Variants in EYA2 observed in about 807,000 individuals in gnomAD.
EYA2 encodes protein phosphatase EYA2.
Under a neutral mutation model 69.2 loss-of-function variants are expected in EYA2, and 31 were observed. The observed-to-expected ratio is 0.45, with a 90% confidence interval of 0.34 to 0.60. The LOEUF (loss-of-function observed/expected upper bound fraction) is 0.60, where lower values mean the gene tolerates loss of function less well. Among genes scored for constraint, EYA2 ranks in the 20% least tolerant of loss-of-function variants. The probability of loss-of-function intolerance (pLI) is 0.02; values close to 1 mark genes in which losing one functional copy is unlikely to be tolerated. For synonymous variants in EYA2, 257 were observed against 279.4 expected (o/e 0.92, Z 0.80); for missense variants, 622 against 701.2 (o/e 0.89, Z 1.28).
intron 1 of EYA2, among the ~76,000 whole-genome samples, chr20:46,938,672 G>A (rs1986023589): frequency 6.6e-6 from 1 of 152,150 alleles, no homozygotes; most frequent in African/African-American, 2.4e-5. Context: ...AGGAAGAGAG[G>A]GAGCAAGAAG....
rs534311119 is a variant in EYA2 at position 47,180,160 on chromosome 20, G to A, written c.1313+248G>A. Among the ~76,000 whole-genome samples, 5 of 152,042 alleles carry A rather than the reference G, an allele frequency of 3.3e-5. No homozygotes were observed. In the East Asian group the frequency reaches 9.7e-4, roughly 29 times the overall value. The stretch of plus-strand genomic sequence containing the variant: ...CAATTCTCCGGCCTCAGCCTCCTGA[G>A]TAGCTGGGATTGCAGGTGTGCACCA... On this transcript the variant is annotated intron_variant, in intron 13 of 15. Transcript: ENST00000327619.
intron 1 of EYA2, among the ~76,000 whole-genome samples, chr20:46,983,746 GT>G (rs934309561): frequency 2.0e-5 from 3 of 152,076 alleles, no homozygotes; most frequent in Non-Finnish European, 4.4e-5. Flanking sequence ...CTGAACTCCA[GT>G]TTTTTTCTCC....
At chr20:47,088,225 C>T (rs2031957684) in intron 7 of EYA2, among the ~76,000 whole-genome samples, 1 of 152,152 alleles carries the variant, frequency 6.6e-6, no homozygotes, top group East Asian at 1.9e-4. Context: ...CAGAGCGAGA[C>T]TCCGTCTCAA....
At chr20:47,018,333 G>C (rs1490531952) in intron 5 of EYA2, among the ~76,000 whole-genome samples, 1 of 152,190 alleles carries the variant, frequency 6.6e-6, no homozygotes, top group African/African-American at 2.4e-5. Flanking sequence ...CGTATGTTGA[G>C]CACCAGCTTG....
chr20:47,031,496 C>T (rs1349140827), intron 5 of EYA2, among the ~76,000 whole-genome samples: 1 of 152,152 alleles, frequency 6.6e-6, no homozygotes, highest in Non-Finnish European at 1.5e-5. Flanking sequence ...TCTCCCTTCC[C>T]CTCCGCTTCT....
intron 1 of EYA2, among the ~76,000 whole-genome samples, chr20:46,967,416 A>G (rs908240972): frequency 6.6e-6 from 1 of 152,222 alleles, no homozygotes. Flanking sequence ...GTTAATTCCA[A>G]TGGTAGTAAA....
At chr20:46,987,528 G>T (rs1981311069) in intron 1 of EYA2, among the ~76,000 whole-genome samples, 1 of 152,140 alleles carries the variant, frequency 6.6e-6, no homozygotes, top group Non-Finnish European at 1.5e-5. Context: ...TGAAAACAGT[G>T]TTGATCATTC....
chr20:47,007,642 G>A (rs1302623517), intron 4 of EYA2, among the ~76,000 whole-genome samples: 1 of 152,032 alleles, frequency 6.6e-6, no homozygotes, highest in Non-Finnish European at 1.5e-5. Context: ...TAGAGACAGG[G>A]TCTGGCTCTG....
chr20:46,973,406 T>C (rs1248395731), intron 1 of EYA2, among the ~76,000 whole-genome samples: 1 of 152,212 alleles, frequency 6.6e-6, no homozygotes, highest in Non-Finnish European at 1.5e-5. Context: ...CAGACTTCGT[T>C]TAGATTCCGT....
intron 9 of EYA2, among the ~76,000 whole-genome samples, chr20:47,135,126 CAAAAAAAAAA>C (rs11484435): frequency 5.6e-4 from 33 of 58,496 alleles, no homozygotes; most frequent in East Asian, 4.2e-3. Context: ...GACTCCATAT[CAAAAAAAAAA>C]AAAAAAAAAA....
intron 5 of EYA2, among the ~76,000 whole-genome samples, chr20:47,044,486 C>T (rs6018240): frequency 0.066 from 10,017 of 151,770 alleles, 1,084 homozygotes; most frequent in African/African-American, 0.23. Flanking sequence ...GGGTGAGAAA[C>T]GCTATGAATG....
chr20:46,924,831 T>C (rs1374321411), intron 1 of EYA2, among the ~76,000 whole-genome samples: 1 of 152,220 alleles, frequency 6.6e-6, no homozygotes, highest in Non-Finnish European at 1.5e-5. Flanking sequence ...AATGTTAGAC[T>C]GGAAACTCAG....
intron 1 of EYA2, among the ~76,000 whole-genome samples, chr20:46,919,390 C>G (rs1003759433): frequency 6.6e-6 from 1 of 152,248 alleles, no homozygotes; most frequent in Non-Finnish European, 1.5e-5. Context: ...ATCACTGATC[C>G]CAGCTAGATC....
Position 47,026,460 on chromosome 20 carries a change from A to G in EYA2, c.415+10163A>G, listed in dbSNP as rs143494887. 4.5e-4 allele frequency among the ~76,000 whole-genome samples: 68 copies of G among 152,316 alleles called. 1 individual carries two copies. In the East Asian group the frequency reaches 0.012, roughly 27 times the overall value. Reference sequence around the variant, plus strand: ...TTTTTTTTTCTTTTTTGGCACGGCAAAGAACACCAGAAGTCAAAACAACAA... The same window carrying G: ...TTTTTTTTTCTTTTTTGGCACGGCAGAGAACACCAGAAGTCAAAACAACAA... On this transcript the variant is annotated intron_variant, in intron 5 of 15. Coordinates refer to ENST00000327619, the MANE Select transcript of EYA2 (RefSeq NM_005244.5).
At chr20:46,931,874 G>A (rs371093638) in intron 1 of EYA2, among the ~76,000 whole-genome samples, 2 of 151,816 alleles carry the variant, frequency 1.3e-5, no homozygotes, top group East Asian at 3.9e-4. Flanking sequence ...CCACCAATAG[G>A]AGTCTCAGGA....
intron 9 of EYA2, among the ~76,000 whole-genome samples, chr20:47,099,876 C>A (rs1228809687): frequency 6.6e-6 from 1 of 152,098 alleles, no homozygotes; most frequent in East Asian, 1.9e-4. Flanking sequence ...AGGGCAGAGA[C>A]CATGAACATT....
At position 47,043,398 on chromosome 20, in the gene EYA2, C is replaced by T. The variant is rs79159459; in HGVS notation, c.415+27101C>T. Among the ~76,000 whole-genome samples the T allele has an allele frequency of 8.4e-3, 1,273 of 152,288 alleles. 7 individuals carry two copies. Among genetic ancestry groups the T allele is most frequent in the Non-Finnish European group, 0.012 (827 of 68,014 alleles). On this transcript the variant is annotated intron_variant, in intron 5 of 15. Transcript: ENST00000327619. ...CACAGGAGTCTCAGGAAGGAGGTGT[C>T]AGGTGCCTTCCAACACAGCCAAGGA... is the stretch of plus-strand genomic sequence containing the variant.
intron 15 of EYA2, among the ~76,000 whole-genome samples, chr20:47,183,641 C>G (rs906019893): frequency 1.3e-5 from 2 of 152,298 alleles, no homozygotes; most frequent in Middle Eastern, 3.4e-3. Context: ...GACAACTGTT[C>G]GGGAGCCTAG....
chr20:47,011,081 G>T (rs1247430016), intron 4 of EYA2, among the ~76,000 whole-genome samples: 1 of 152,072 alleles, frequency 6.6e-6, no homozygotes, highest in Admixed American at 6.6e-5. Flanking sequence ...GAGCCACCAT[G>T]CCTGGCCTGA....
Sources: gnomAD v4.1 joint callset for allele counts (sites outside exome capture counted in the v4.1 genomes callset) on GRCh38, gnomAD v4.1.1 for gene constraint, MANE v1.5 for transcripts, NCBI Gene and HGNC (gene_info 2026-07-23, HGNC 2026-07-21) for gene names.